Variants in KIF26B observed in about 807,000 individuals in gnomAD.
KIF26B encodes kinesin family member 26B.
A neutral mutation model predicts 151.2 loss-of-function variants in KIF26B; 63 were observed. The ratio of observed to expected loss-of-function variants is 0.42; its 90% CI spans 0.34 to 0.51. The LOEUF (loss-of-function observed/expected upper bound fraction) is 0.51, where lower values mean the gene tolerates loss of function less well. Among genes scored for constraint, KIF26B ranks in the 20% least tolerant of loss-of-function variants. The pLI, the probability that KIF26B is intolerant of heterozygous loss-of-function variation, is 0.07. For synonymous variants in KIF26B, 1,357 were observed against 1,262.1 expected, an observed-to-expected ratio of 1.08 and a Z score of -1.59; for missense variants, 2,813 against 2,913.6, an observed-to-expected ratio of 0.97 and a Z score of 0.79.
chr1:245,686,717 C>A lies in KIF26B; in HGVS notation c.3734C>A (p.Thr1245Lys). The A allele has an allele frequency of 6.2e-7, 1 of 1,613,364 alleles. No homozygotes were observed. The highest frequency in any genetic ancestry group is 8.5e-7 in the Non-Finnish European group (1 of 1,179,728). Reference sequence around the variant, plus strand: ...GAGGACCTGGAGTGCTACTCCAGCACGGCCCCCGTCTCCGAGGTCAGCATC... The same window carrying A: ...GAGGACCTGGAGTGCTACTCCAGCAAGGCCCCCGTCTCCGAGGTCAGCATC... ...ISEDLECYSS[T>K]APVSEVSITQ... is the part of the protein sequence containing the mutation. Residue 1245 changes from threonine (T) to lysine (K), a missense_variant, in exon 12 of 15, where the codon ACG (threonine) becomes AAG (lysine). Physicochemically the swap from Thr to Lys is moderately conservative, Grantham distance 78 (BLOSUM62 -1). Coordinates refer to ENST00000407071, the MANE Select transcript of KIF26B (RefSeq NM_018012.4). This position sits in a 1 kb window ranked among gnomAD's most constrained non-coding sequence, Gnocchi z 5.6.
intron 4 of KIF26B, among the ~76,000 whole-genome samples, chr1:245,456,158 C>T (rs10159169): frequency 6.6e-6 from 1 of 151,872 alleles, no homozygotes; most frequent in Non-Finnish European, 1.5e-5. Context: ...CTTCACTAAC[C>T]TTATCTCTTG....
intron 2 of KIF26B, among the ~76,000 whole-genome samples, chr1:245,345,942 T>C (rs1296013277): frequency 6.6e-6 from 1 of 150,930 alleles, no homozygotes; most frequent in Non-Finnish European, 1.5e-5. Flanking sequence ...TTTCTTTTTT[T>C]TTTTTTTTGA....
intron 4 of KIF26B, among the ~76,000 whole-genome samples, chr1:245,518,920 CG>C (rs1272677139): frequency 6.6e-6 from 1 of 152,150 alleles, no homozygotes; most frequent in Non-Finnish European, 1.5e-5. Context: ...CACTCACTCC[CG>C]GATCCCTTTG....
At position 245,367,149 on chromosome 1, in the gene KIF26B, G is replaced by C. The variant is rs538698748; in HGVS notation, c.781G>C (p.Ala261Pro). The change falls in exon 3 of 15, where the codon GCC (alanine) becomes CCC (proline). Residue 261 changes from alanine to proline, a missense_variant. Ala to Pro is a conservative substitution (Grantham distance 27). This residue lies in a region of KIF26B where 676 missense variants were observed against 688.1 expected (regional missense o/e 0.98). Coordinates refer to ENST00000407071, the MANE Select transcript of KIF26B (RefSeq NM_018012.4). The surrounding 1 kb of genome is among the most constrained non-coding windows in gnomAD (Gnocchi z 4.2). ...PCATSNYTGF[A>P]NKHGSKPSSL... is the part of the protein sequence containing the mutation. ...TGCCACCTCCAACTACACAGGCTTC[G>C]CCAACAAGCACGGCAGCAAACCCAG... 23 of 1,602,500 alleles carry C rather than the reference G, an allele frequency of 1.4e-5. No individual in the cohort carries two copies. The Admixed American group carries it at 2.6e-4, about 18-fold the overall frequency.
intron 9 of KIF26B, among the ~76,000 whole-genome samples, chr1:245,642,548 G>A (rs999692777): frequency 2.2e-4 from 30 of 136,404 alleles, no homozygotes; most frequent in African/African-American, 4.1e-4. Flanking sequence ...GGGACAGAGC[G>A]AGACTCCGTC....
At chr1:245,467,820 A>G (rs1323971740) in intron 4 of KIF26B, among the ~76,000 whole-genome samples, 1 of 152,036 alleles carries the variant, frequency 6.6e-6, no homozygotes, top group East Asian at 1.9e-4. Context: ...ACTTGAACCC[A>G]GGAGGTGGAG....
At chr1:245,329,798 G>A (rs932213460) in intron 2 of KIF26B, among the ~76,000 whole-genome samples, 1 of 152,168 alleles carries the variant, frequency 6.6e-6, no homozygotes, top group Non-Finnish European at 1.5e-5. Context: ...ACCAAAAAAG[G>A]TGTTTAAAAA....
At chr1:245,272,246 CTTAG>C (rs1385874319) in intron 2 of KIF26B, among the ~76,000 whole-genome samples, 3 of 151,430 alleles carry the variant, frequency 2.0e-5, no homozygotes, top group African/African-American at 7.3e-5. Context: ...CTCCTTTTTT[CTTAG>C]TTAGTCTGCC....
chr1:245,268,499 A>ATAATAC (rs1389178361), intron 2 of KIF26B, among the ~76,000 whole-genome samples: 1 of 146,212 alleles, frequency 6.8e-6, no homozygotes, highest in East Asian at 2.0e-4. Context: ...AATAATAATA[A>ATAATAC]TAATAATAAT....
intron 2 of KIF26B, among the ~76,000 whole-genome samples, chr1:245,228,578 A>C (rs1446852424): frequency 6.6e-6 from 1 of 152,202 alleles, no homozygotes; most frequent in Non-Finnish European, 1.5e-5. Context: ...AAAAAAAAAA[A>C]AACAAAAGGC....
At position 245,657,345 on chromosome 1, in the gene KIF26B, T is replaced by C. The variant is rs372540976; in HGVS notation, c.2258+11065T>C. Among the ~76,000 whole-genome samples the C allele has an allele frequency of 1.2e-4, 18 of 152,340 alleles. No individual in the cohort carries two copies. In the East Asian group the frequency reaches 2.9e-3, roughly 24 times the overall value. ...CCTGAAATCGCGCGCTGAGAACTAA[T>C]TGCAGTAGCTGCATACACACAGTGA... On this transcript the variant is annotated intron_variant, in intron 10 of 14. Transcript: ENST00000407071.
intron 2 of KIF26B, among the ~76,000 whole-genome samples, chr1:245,212,386 C>A (rs1226884339): frequency 6.6e-6 from 1 of 152,216 alleles, no homozygotes; most frequent in Non-Finnish European, 1.5e-5. Context: ...TTCTCTCCCA[C>A]GTGATGGGCG....
intron 2 of KIF26B, among the ~76,000 whole-genome samples, chr1:245,198,782 G>A (rs1669236485): frequency 6.6e-6 from 1 of 151,416 alleles, no homozygotes; most frequent in Admixed American, 6.6e-5. Flanking sequence ...CAGTCAGGGT[G>A]TGGGCAGACA....
At chr1:245,306,502 G>T (rs1014960327) in intron 2 of KIF26B, among the ~76,000 whole-genome samples, 4 of 152,148 alleles carry the variant, frequency 2.6e-5, no homozygotes, top group African/African-American at 9.7e-5. Flanking sequence ...AATATAAATG[G>T]ATGAATTATA....
chr1:245,654,657 C>G (rs1442638034), intron 10 of KIF26B, among the ~76,000 whole-genome samples: 1 of 152,204 alleles, frequency 6.6e-6, no homozygotes, highest in Non-Finnish European at 1.5e-5. Context: ...CCCACGAAGG[C>G]CTCCTGATTT....
intron 9 of KIF26B, among the ~76,000 whole-genome samples, chr1:245,632,678 C>T (rs375077279): frequency 1.2e-4 from 19 of 152,262 alleles, no homozygotes; most frequent in South Asian, 4.2e-4. Flanking sequence ...AAGGCCAAGG[C>T]GGGCCAATCA....
At chr1:245,229,832 G>A (rs77764277) in intron 2 of KIF26B, among the ~76,000 whole-genome samples, 1,900 of 152,266 alleles carry the variant, frequency 0.012, 17 homozygotes, top group Middle Eastern at 0.024. Flanking sequence ...TGAACAAAGA[G>A]AGCAAATAAA....
At position 245,516,498 on chromosome 1, in the gene KIF26B, A is replaced by G. The variant is rs1222484102; in HGVS notation, c.1167-24269A>G. Reference sequence around the variant, plus strand: ...ACGCCCCGCTGCAGCTGCCTTTGCTATACAGTGAATACACTGTGGGTCTAT... The same window carrying G: ...ACGCCCCGCTGCAGCTGCCTTTGCTGTACAGTGAATACACTGTGGGTCTAT... On this transcript the variant is annotated intron_variant, in intron 4 of 14. Transcript: ENST00000407071. This position sits in a 1 kb window ranked among gnomAD's most constrained non-coding sequence, Gnocchi z 4.2. Among the ~76,000 whole-genome samples, 1 of 152,126 alleles carries G rather than the reference A, an allele frequency of 6.6e-6. No individual in the cohort carries two copies. The highest frequency in any genetic ancestry group is 1.5e-5 in the Non-Finnish European group (1 of 68,028).
At chr1:245,428,482 A>C (rs947824089) in intron 4 of KIF26B, among the ~76,000 whole-genome samples, 1 of 152,194 alleles carries the variant, frequency 6.6e-6, no homozygotes, top group Non-Finnish European at 1.5e-5. Flanking sequence ...TTTAACGTCT[A>C]CACTGTTTTC....
Sources: gnomAD v4.1 joint callset for allele counts (sites outside exome capture counted in the v4.1 genomes callset) on GRCh38, gnomAD v4.1.1 for gene constraint, gnomAD v4.1.1 regional missense constraint, Gnocchi (gnomAD v3.1) non-coding constraint, MANE v1.5 for transcripts, NCBI Gene and HGNC (gene_info 2026-07-23, HGNC 2026-07-21) for gene names.